The following CDH13 variants were observed in gnomAD, a reference collection of about 807,000 sequenced individuals.
The protein encoded by CDH13 is cadherin-13.
CDH13 carries 24 observed loss-of-function variants against 63.8 expected under a neutral mutation model. The observed-to-expected ratio is 0.38, with a 90% CI of 0.27 to 0.53. The LOEUF is 0.53. CDH13 is among the 20% of genes least tolerant of loss of function. The probability of loss-of-function intolerance (pLI) is 0.85; values close to 1 mark genes in which losing one functional copy is unlikely to be tolerated. For missense variants in CDH13, 1,049 were observed against 903.1 expected (o/e 1.16, Z -2.07); for synonymous variants, 503 against 355.3 (o/e 1.42, Z -4.67).
At chr16:83,505,012 G>A (rs1469791292) in intron 7 of CDH13, among the ~76,000 whole-genome samples, 4 of 152,106 alleles carry the variant, frequency 2.6e-5, no homozygotes, top group African/African-American at 9.7e-5. Flanking sequence ...GATGGGAGGG[G>A]TCTGAGAGCA....
At chr16:82,765,472 C>T (rs1196145478) in intron 1 of CDH13, among the ~76,000 whole-genome samples, 1 of 152,092 alleles carries the variant, frequency 6.6e-6, no homozygotes, top group Admixed American at 6.5e-5. Context: ...GCATTGTTTC[C>T]AACTGAAAAT....
At chr16:83,658,277 AC>A (rs1913076048) in intron 8 of CDH13, among the ~76,000 whole-genome samples, 1 of 128,848 alleles carries the variant, frequency 7.8e-6, no homozygotes, top group Admixed American at 7.7e-5. Context: ...CCGTATCCTC[AC>A]CAGCAAGGTC....
chr16:83,473,969 G>A (rs117497795), intron 6 of CDH13, among the ~76,000 whole-genome samples: 3,170 of 152,234 alleles, frequency 0.021, 56 homozygotes, highest in Non-Finnish European at 0.032. Context: ...CCCTCATAAA[G>A]GTTAGCTCCC....
intron 11 of CDH13, among the ~76,000 whole-genome samples, chr16:83,761,870 C>A (rs1254053626): frequency 1.3e-5 from 2 of 152,050 alleles, no homozygotes; most frequent in Admixed American, 6.6e-5. Flanking sequence ...AGTTCGATAC[C>A]AGCCAGGCCA....
rs188449641 is a variant in CDH13 at position 83,140,045 on chromosome 16, G to A, written c.483+14544G>A. On this transcript the variant is annotated intron_variant, in intron 4 of 13. Transcript: ENST00000567109. ...CTGAGTCCCACCATTGGGGATAACC[G>A]CTGTAGACATCCGAGGGTTTTACCT... Among the ~76,000 whole-genome samples, 47 of 152,262 alleles carry A rather than the reference G, an allele frequency of 3.1e-4. No homozygotes were observed. The East Asian group carries it at 6.2e-3, about 20-fold the overall frequency.
At chr16:83,144,248 T>C (rs1216639352) in intron 4 of CDH13, among the ~76,000 whole-genome samples, 1 of 152,160 alleles carries the variant, frequency 6.6e-6, no homozygotes, top group Non-Finnish European at 1.5e-5. Context: ...CTTATTTGGA[T>C]AGTCAAGGCA....
chr16:83,048,407 C>G (rs1304986313), intron 3 of CDH13, among the ~76,000 whole-genome samples: 1 of 152,186 alleles, frequency 6.6e-6, no homozygotes, highest in African/African-American at 2.4e-5. Context: ...TATTCACGCT[C>G]CTGGACCTGT....
chr16:82,671,875 T>G (rs1913285900), intron 1 of CDH13, among the ~76,000 whole-genome samples: 1 of 152,178 alleles, frequency 6.6e-6, no homozygotes, highest in African/African-American at 2.4e-5. Context: ...AAAGAGAAAG[T>G]TGCGCACCTG....
intron 1 of CDH13, among the ~76,000 whole-genome samples, chr16:82,822,150 T>TAC (rs1375076657): frequency 6.6e-6 from 1 of 152,110 alleles, no homozygotes; most frequent in Non-Finnish European, 1.5e-5. Context: ...ATCAAAAGAT[T>TAC]ACCCGGGGAC....
chr16:83,456,734 G>T (rs1171408536), intron 6 of CDH13, among the ~76,000 whole-genome samples: 1 of 152,168 alleles, frequency 6.6e-6, no homozygotes, highest in Non-Finnish European at 1.5e-5. Context: ...GGCCAAGGCG[G>T]GCAGATCACC....
At chr16:82,796,518 T>C (rs926351564) in intron 1 of CDH13, among the ~76,000 whole-genome samples, 1 of 152,218 alleles carries the variant, frequency 6.6e-6, no homozygotes, top group East Asian at 1.9e-4. Context: ...GAATTTACAT[T>C]CTAAAGGGCA....
At chr16:82,639,338 C>G (rs1018334221) in intron 1 of CDH13, 4 of 1,510,730 alleles carry the variant, frequency 2.6e-6, no homozygotes, top group African/African-American at 2.8e-5. Flanking sequence ...TTCTTTGTCT[C>G]CATGTCCTTG....
intron 6 of CDH13, among the ~76,000 whole-genome samples, chr16:83,421,742 A>C (rs1367194267): frequency 1.3e-5 from 2 of 152,230 alleles, no homozygotes; most frequent in Non-Finnish European, 2.9e-5. Context: ...GTAAGGATGC[A>C]ATTGGAAATG....
rs997481728 is a variant in CDH13 at position 83,394,918 on chromosome 16, C to T, written c.781+49912C>T. 2.6e-5 allele frequency among the ~76,000 whole-genome samples: 4 copies of T among 152,112 alleles called. No individual in the cohort carries two copies. In the South Asian group the frequency reaches 8.3e-4, roughly 32 times the overall value. On this transcript the variant is annotated intron_variant, in intron 6 of 13. Coordinates refer to ENST00000567109, the MANE Select transcript of CDH13 (RefSeq NM_001257.5). ...ATCCCAACACTCTGGGAGGCCAAGA[C>T]AGGCGGATCACCTGTGGTCAGGTGT...
intron 2 of CDH13, among the ~76,000 whole-genome samples, chr16:83,011,621 A>G (rs149610390): frequency 6.6e-6 from 1 of 152,278 alleles, no homozygotes; most frequent in Non-Finnish European, 1.5e-5. Flanking sequence ...ATACACACAT[A>G]TCACTGAGCA....
chr16:83,142,162 T>TTTTG (rs199555432), intron 4 of CDH13, among the ~76,000 whole-genome samples: 292 of 129,700 alleles, frequency 2.3e-3, no homozygotes, highest in Non-Finnish European at 3.1e-3. Context: ...TTGTTTTTGT[T>TTTTG]TTTTTTTTTT....
At position 82,957,018 on chromosome 16, in the gene CDH13, C is replaced by G. The variant is rs34165789; in HGVS notation, c.158-74992C>G. ...ATCTATCTGAGAGATGTGTAGGAAG[C>G]TGAATCTTTAAAACCTGGCTTCCCT... On this transcript the variant is annotated intron_variant, in intron 2 of 13. Coordinates refer to ENST00000567109, the MANE Select transcript of CDH13 (RefSeq NM_001257.5). Among the ~76,000 whole-genome samples the G allele has an allele frequency of 8.2e-3, 1,248 of 152,240 alleles. 8 individuals are homozygous for G. The highest frequency in any genetic ancestry group is 0.013 in the Non-Finnish European group (851 of 68,014).
At chr16:83,452,150 G>A (rs2072903053) in intron 6 of CDH13, among the ~76,000 whole-genome samples, 1 of 152,142 alleles carries the variant, frequency 6.6e-6, no homozygotes, top group South Asian at 2.1e-4. Flanking sequence ...TTAATCTCAA[G>A]ACTGGAGAGA....
At chr16:83,468,850 C>T (rs1453579150) in intron 6 of CDH13, among the ~76,000 whole-genome samples, 1 of 152,166 alleles carries the variant, frequency 6.6e-6, no homozygotes, top group African/African-American at 2.4e-5. Context: ...GTTTGCTGAA[C>T]CTATCAACCC....
Sources: gnomAD v4.1 joint callset for allele counts (sites outside exome capture counted in the v4.1 genomes callset) on GRCh38, gnomAD v4.1.1 for gene constraint, MANE v1.5 for transcripts, NCBI Gene and HGNC (gene_info 2026-07-23, HGNC 2026-07-21) for gene names.